The following CHIC1 variants were observed in gnomAD, a reference collection of about 807,000 sequenced individuals.
CHIC1 encodes the protein cysteine-rich hydrophobic domain-containing protein 1.
CHIC1 carries 7 observed loss-of-function variants against 18.5 expected under a neutral mutation model. The ratio of observed to expected loss-of-function variants is 0.38; its 90% CI spans 0.22 to 0.71. The LOEUF (loss-of-function observed/expected upper bound fraction) is 0.71. CHIC1 is among the 30% of genes least tolerant of loss of function. The pLI, the probability that CHIC1 is intolerant of heterozygous loss-of-function variation, is 0.49. For missense variants in CHIC1, 159 were observed against 176.9 expected, an observed-to-expected ratio of 0.90 and a Z score of 0.57; for synonymous variants, 77 against 73.5, an observed-to-expected ratio of 1.05 and a Z score of -0.25.
At chrX:73,614,520 T>C (rs1483937730) in intron 3 of CHIC1, among the ~76,000 whole-genome samples, 1 of 111,408 alleles carries the variant, frequency 9.0e-6, no homozygotes, top group African/African-American at 3.3e-5. Flanking sequence ...TTAGTAACCT[T>C]ATGCTGTCCC....
chrX:73,670,471 G>T (rs915828666), intron 3 of CHIC1, among the ~76,000 whole-genome samples: 1 of 108,545 alleles, frequency 9.2e-6, no homozygotes, highest in Non-Finnish European at 1.9e-5. Context: ...ATATTTTTTA[G>T]TCTCTATTTT....
chrX:73,670,674 T>C (rs1264116274), intron 3 of CHIC1, among the ~76,000 whole-genome samples: 1 of 111,389 alleles, frequency 9.0e-6, no homozygotes, highest in African/African-American at 3.3e-5. Flanking sequence ...ATAAACTTCT[T>C]AGTATTGCTT....
chrX:73,663,986 C>T (rs1042619404), intron 3 of CHIC1, among the ~76,000 whole-genome samples: 3 of 111,549 alleles, frequency 2.7e-5, no homozygotes, highest in Admixed American at 9.5e-5. Flanking sequence ...CCCCAGATCC[C>T]AGTTGCAACC....
chrX:73,657,153 G>A (rs945695618), intron 3 of CHIC1, among the ~76,000 whole-genome samples: 19 of 105,689 alleles, frequency 1.8e-4, no homozygotes, highest in Non-Finnish European at 3.7e-4. Context: ...TCCACCTTCC[G>A]GGTTCACGCC....
chrX:73,571,950 GT>G (rs1386664479), intron 1 of CHIC1, among the ~76,000 whole-genome samples: 9 of 106,905 alleles, frequency 8.4e-5, no homozygotes, highest in East Asian at 2.9e-4. Flanking sequence ...CTGCATAGAG[GT>G]TTTTTTTTTC....
At chrX:73,624,354 GATCT>G (rs981135179) in intron 3 of CHIC1, among the ~76,000 whole-genome samples, 2 of 111,931 alleles carry the variant, frequency 1.8e-5, no homozygotes, top group African/African-American at 6.5e-5. Context: ...TTTTGAGAGG[GATCT>G]ATCTGATTTT....
chrX:73,583,204 A>T (rs1344911723), intron 2 of CHIC1, among the ~76,000 whole-genome samples: 2 of 111,284 alleles, frequency 1.8e-5, no homozygotes, highest in Non-Finnish European at 3.8e-5. Flanking sequence ...TTATTGAGTG[A>T]CATGAACAAT....
intron 1 of CHIC1, among the ~76,000 whole-genome samples, chrX:73,575,547 A>G: frequency 9.1e-6 from 1 of 110,304 alleles, no homozygotes; most frequent in Non-Finnish European, 1.9e-5. Context: ...TGTACTGATT[A>G]CTATAGGCAA....
intron 3 of CHIC1, among the ~76,000 whole-genome samples, chrX:73,631,081 ATC>A (rs2057804642): frequency 1.8e-5 from 2 of 110,964 alleles, no homozygotes; most frequent in South Asian, 7.6e-4. Context: ...TTTCTCTGTT[ATC>A]AGTTGTAATG....
At chrX:73,605,778 C>T (rs759322467) in intron 3 of CHIC1, among the ~76,000 whole-genome samples, 1 of 108,650 alleles carries the variant, frequency 9.2e-6, no homozygotes, top group East Asian at 2.8e-4. Flanking sequence ...ACATGAAATT[C>T]TGGGTTGAAA....
chrX:73,677,824 C>T (rs754100891), intron 3 of CHIC1, among the ~76,000 whole-genome samples: 3 of 112,287 alleles, frequency 2.7e-5, no homozygotes, highest in South Asian at 3.7e-4. Context: ...CCGTCTTCTG[C>T]GTCGCTCACA....
intron 1 of CHIC1, among the ~76,000 whole-genome samples, chrX:73,566,055 A>C (rs747796874): frequency 9.0e-6 from 1 of 110,999 alleles, no homozygotes; most frequent in Non-Finnish European, 1.9e-5. Context: ...CTCCCAGGGT[A>C]ACATTCAAAA....
intron 3 of CHIC1, among the ~76,000 whole-genome samples, chrX:73,645,380 G>A (rs1177546519): frequency 8.9e-6 from 1 of 111,906 alleles, no homozygotes; most frequent in African/African-American, 3.2e-5. Flanking sequence ...TGGGAGTTCA[G>A]ATACCCATTT....
intron 3 of CHIC1, among the ~76,000 whole-genome samples, chrX:73,620,594 A>G (rs756086101): frequency 9.0e-6 from 1 of 111,256 alleles, no homozygotes; most frequent in South Asian, 3.7e-4. Flanking sequence ...TAGATGCTGG[A>G]TATTAGCTCT....
intron 1 of CHIC1, 100 bp from the exon 2 acceptor site, chrX:73,577,307 G>A: frequency 1.7e-6 from 1 of 580,253 alleles, no homozygotes; most frequent in Non-Finnish European, 2.6e-6. Flanking sequence ...AAATTAAAAG[G>A]CCAAAAGAAA....
intron 3 of CHIC1, among the ~76,000 whole-genome samples, chrX:73,604,492 G>T (rs145193303): frequency 1.9e-5 from 2 of 107,279 alleles, no homozygotes; most frequent in African/African-American, 3.7e-5. Context: ...AGGGTTTTTC[G>T]TGTCTCTATC....
chrX:73,577,785 A>AT (rs1217351091), intron 2 of CHIC1, among the ~76,000 whole-genome samples: 1 of 110,062 alleles, frequency 9.1e-6, no homozygotes, highest in Non-Finnish European at 1.9e-5. Context: ...AGTTAAAGTT[A>AT]TTTTTTTAAC....
intron 3 of CHIC1, among the ~76,000 whole-genome samples, chrX:73,664,294 A>T (rs984752205): frequency 3.6e-5 from 4 of 111,219 alleles, no homozygotes; most frequent in African/African-American, 1.3e-4. Context: ...GAGTTACCTT[A>T]GTCTCTACTA....
intron 3 of CHIC1, among the ~76,000 whole-genome samples, chrX:73,648,955 T>A (rs2057902698): frequency 9.0e-6 from 1 of 111,394 alleles, no homozygotes; most frequent in South Asian, 3.8e-4. Flanking sequence ...GAGAGAAAGG[T>A]CAGTTAACCT....
Sources: allele counts gnomAD v4.1 joint callset (sites outside exome capture counted in the v4.1 genomes callset), GRCh38; gene constraint gnomAD v4.1.1; transcripts MANE v1.5; gene names NCBI Gene and HGNC (gene_info 2026-07-23, HGNC 2026-07-21).